Variants in ACBD6 observed in about 807,000 individuals in gnomAD.
ACBD6 encodes the protein acyl-CoA binding domain containing 6.
A neutral mutation model predicts 37.2 loss-of-function variants in ACBD6; 28 were observed. The ratio of observed to expected loss-of-function variants is 0.75; its 90% CI spans 0.56 to 1.03. The LOEUF is 1.03. ACBD6 is among the 50% of genes least tolerant of loss of function. The pLI is 0.00. For synonymous variants in ACBD6, 113 were observed against 126.8 expected, an observed-to-expected ratio of 0.89 and a Z score of 0.73; for missense variants, 340 against 337.4, an observed-to-expected ratio of 1.01 and a Z score of -0.06.
At chr1:180,408,214 T>C (rs867217694) in intron 5 of ACBD6, among the ~76,000 whole-genome samples, 4 of 152,132 alleles carry the variant, frequency 2.6e-5, no homozygotes, top group Non-Finnish European at 5.9e-5. Context: ...ACAAGTACAA[T>C]CCACAGCTTA....
intron 7 of ACBD6, among the ~76,000 whole-genome samples, chr1:180,306,222 C>A (rs978848043): frequency 1.3e-5 from 2 of 151,562 alleles, no homozygotes; most frequent in Non-Finnish European, 2.9e-5. Context: ...ACGTTGTGCA[C>A]ATGTACCCTA....
chr1:180,500,872 T>C (rs931262352), intron 1 of ACBD6, among the ~76,000 whole-genome samples: 1 of 150,842 alleles, frequency 6.6e-6, no homozygotes, highest in African/African-American at 2.5e-5. Flanking sequence ...ATGATGTTTT[T>C]GCTTCTCTGC....
At chr1:180,416,550 T>C (rs995188282) in intron 4 of ACBD6, among the ~76,000 whole-genome samples, 6 of 152,220 alleles carry the variant, frequency 3.9e-5, no homozygotes, top group African/African-American at 9.6e-5. Context: ...CTGTGAGTTA[T>C]GTTTATGATG....
intron 7 of ACBD6, among the ~76,000 whole-genome samples, chr1:180,289,350 A>G (rs1649614100): frequency 1.3e-5 from 2 of 152,232 alleles, no homozygotes; most frequent in Admixed American, 1.3e-4. Flanking sequence ...ATAAACATAT[A>G]AAAAGATGAG....
chr1:180,446,667 A>T (rs2102020640), intron 3 of ACBD6, among the ~76,000 whole-genome samples: 1 of 152,330 alleles, frequency 6.6e-6, no homozygotes, highest in South Asian at 2.1e-4. Context: ...GGAACTCCAT[A>T]AACGTATGTT....
At chr1:180,358,856 G>C (rs187049065) in intron 6 of ACBD6, among the ~76,000 whole-genome samples, 188 of 152,330 alleles carry the variant, frequency 1.2e-3, no homozygotes, top group African/African-American at 3.9e-3. Context: ...GCAGTGGAGA[G>C]ATTAACTGCT....
chr1:180,485,847 A>G (rs1651242099), intron 3 of ACBD6, among the ~76,000 whole-genome samples: 1 of 152,034 alleles, frequency 6.6e-6, no homozygotes, highest in African/African-American at 2.4e-5. Context: ...AGCCAAATAA[A>G]TGCTTTTAAT....
intron 6 of ACBD6, among the ~76,000 whole-genome samples, chr1:180,338,696 A>C (rs1288099634): frequency 6.6e-6 from 1 of 152,218 alleles, no homozygotes; most frequent in Admixed American, 6.5e-5. Context: ...ATTAAAAACT[A>C]AAGAGCTTCT....
At chr1:180,410,083 C>A (rs1348202565) in intron 5 of ACBD6, among the ~76,000 whole-genome samples, 1 of 152,218 alleles carries the variant, frequency 6.6e-6, no homozygotes, top group Admixed American at 6.5e-5. Context: ...CACAACATTC[C>A]CTTATGCCAA....
chr1:180,335,825 A>G (rs912955327), intron 6 of ACBD6, among the ~76,000 whole-genome samples: 1 of 145,274 alleles, frequency 6.9e-6, no homozygotes, highest in African/African-American at 2.5e-5. Flanking sequence ...AGATCTACCA[A>G]GCAAATGGAA....
At chr1:180,290,012 A>G (rs1649638249) in intron 7 of ACBD6, among the ~76,000 whole-genome samples, 1 of 152,208 alleles carries the variant, frequency 6.6e-6, no homozygotes, top group African/African-American at 2.4e-5. Flanking sequence ...GGAGGTTCAA[A>G]GATATTGGTG....
At chr1:180,367,193 C>A (rs968656458) in intron 6 of ACBD6, among the ~76,000 whole-genome samples, 1 of 152,144 alleles carries the variant, frequency 6.6e-6, no homozygotes, top group Non-Finnish European at 1.5e-5. Context: ...TGGCATTTGT[C>A]TTTTTGTTAG....
rs1267814412 is a variant in ACBD6, at chr1:180,501,916, AAAC to A, written c.222+126_222+128del. ...CCCCAGCAGATGGTCAAAAAAAAAA[AAAC>A]AAAACAAAATACACATACACAAGCT... On this transcript the variant is annotated intron_variant, in intron 1 of 7. Transcript: ENST00000367595. 1,677 of 865,586 alleles carry A rather than the reference AAAC, an allele frequency of 1.9e-3. 80 individuals are homozygous for A. The highest frequency in any genetic ancestry group is 2.2e-3 in the South Asian group (129 of 58,936). The allele number at this position is 865,586 out of a possible 1,614,324, so 53.6% of individuals were successfully genotyped here.
At chr1:180,374,820 A>C (rs1478264199) in intron 6 of ACBD6, among the ~76,000 whole-genome samples, 1 of 152,196 alleles carries the variant, frequency 6.6e-6, no homozygotes, top group Non-Finnish European at 1.5e-5. Flanking sequence ...GAAATTAGAG[A>C]TCTAAAAACC....
chr1:180,397,978 G>A (rs573696035), intron 5 of ACBD6, among the ~76,000 whole-genome samples: 1 of 152,106 alleles, frequency 6.6e-6, no homozygotes, highest in East Asian at 1.9e-4. Context: ...GCTTGAACTC[G>A]GGAGGCGGAG....
chr1:180,501,701 C>T (rs552912652), intron 1 of ACBD6, among the ~76,000 whole-genome samples: 1 of 152,060 alleles, frequency 6.6e-6, no homozygotes, highest in Non-Finnish European at 1.5e-5. Context: ...TCCATGTGGC[C>T]CTCTGGGAAA....
chr1:180,269,683 T>A (rs969991335), exon 14 of ACBD6: 4 of 152,258 alleles, frequency 2.6e-5, no homozygotes, highest in African/African-American at 7.2e-5. Flanking sequence ...TCACATTTTT[T>A]AATATAAAGA....
At position 180,304,114 on chromosome 1, in the gene ACBD6, A is replaced by G. The variant is rs1327946266; in HGVS notation, c.694+10578T>C. Among the ~76,000 whole-genome samples the G allele has an allele frequency of 2.0e-5, 3 of 150,910 alleles. 1 individual carries two copies. Among genetic ancestry groups the G allele is most frequent in the Non-Finnish European group, 4.4e-5 (3 of 67,562 alleles). On this transcript the variant is annotated intron_variant, in intron 7 of 7. Transcript: ENST00000367595. ...TATTGATGGGACGTATCTCATAATA[A>G]TAAGAGCTATCTATGACAAACTCAC... is the stretch of plus-strand genomic sequence containing the variant.
intron 1 of ACBD6, among the ~76,000 whole-genome samples, chr1:180,498,841 G>A (rs1278761653): frequency 6.8e-6 from 1 of 146,802 alleles, no homozygotes; most frequent in African/African-American, 2.5e-5. Context: ...CTGGATGACA[G>A]AGCAAAACTG....
Sources: gnomAD v4.1 joint callset for allele counts (sites outside exome capture counted in the v4.1 genomes callset) on GRCh38, gnomAD v4.1.1 for gene constraint, MANE v1.5 for transcripts, NCBI Gene and HGNC (gene_info 2026-07-23, HGNC 2026-07-21) for gene names.